Variants in IRAK2 observed in about 807,000 individuals in gnomAD.
The protein encoded by IRAK2 is interleukin-1 receptor-associated kinase-like 2.
IRAK2 carries 57 observed loss-of-function variants against 72.0 expected under a neutral mutation model. The ratio of observed to expected loss-of-function variants is 0.79; its 90% confidence interval spans 0.64 to 0.99. IRAK2 has a LOEUF of 0.99. IRAK2 is among the 50% of genes least tolerant of loss of function. The probability of loss-of-function intolerance (pLI) is 0.00; values close to 1 mark genes in which losing one functional copy is unlikely to be tolerated. For synonymous variants in IRAK2, 293 were observed against 312.7 expected, an observed-to-expected ratio of 0.94 and a Z score of 0.67; for missense variants, 790 against 794.4, an observed-to-expected ratio of 0.99 and a Z score of 0.07.
At chr3:10,171,717 G>T (rs934925782) in intron 1 of IRAK2, among the ~76,000 whole-genome samples, 2 of 147,846 alleles carry the variant, frequency 1.4e-5, no homozygotes, top group Admixed American at 1.4e-4. Flanking sequence ...TGATCCGCCC[G>T]CCTCAGCCTC....
intron 8 of IRAK2, among the ~76,000 whole-genome samples, chr3:10,221,100 G>GTTT (rs1000156346): frequency 6.8e-6 from 1 of 146,782 alleles, no homozygotes; most frequent in Non-Finnish European, 1.5e-5. Flanking sequence ...CGCTAAAAAA[G>GTTT]TTTTTTTTTT....
intron 10 of IRAK2, among the ~76,000 whole-genome samples, chr3:10,227,512 A>G (rs1697798553): frequency 6.6e-6 from 1 of 151,986 alleles, no homozygotes; most frequent in South Asian, 2.1e-4. Flanking sequence ...TACATTATCT[A>G]CCTAAATCAT....
intron 2 of IRAK2, among the ~76,000 whole-genome samples, chr3:10,195,817 C>A (rs1393212172): frequency 6.6e-6 from 1 of 152,140 alleles, no homozygotes; most frequent in Non-Finnish European, 1.5e-5. Flanking sequence ...CCAGGGGAGC[C>A]ACTGCTGCCC....
At chr3:10,210,206 C>T (rs1468562111) in intron 4 of IRAK2, among the ~76,000 whole-genome samples, 1 of 152,190 alleles carries the variant, frequency 6.6e-6, no homozygotes, top group African/African-American at 2.4e-5. Context: ...CAGGCATGAG[C>T]CACTGCACCC....
chr3:10,196,485 T>C (rs1697267743), intron 2 of IRAK2, among the ~76,000 whole-genome samples: 1 of 152,238 alleles, frequency 6.6e-6, no homozygotes, highest in Non-Finnish European at 1.5e-5. Flanking sequence ...AGTGATCCTG[T>C]GATTCCTGCA....
intron 2 of IRAK2, among the ~76,000 whole-genome samples, chr3:10,178,949 A>G (rs1163405996): frequency 6.6e-6 from 1 of 152,086 alleles, no homozygotes; most frequent in Non-Finnish European, 1.5e-5. Context: ...CTATAGGCAC[A>G]TGCCACCATG....
intron 11 of IRAK2, among the ~76,000 whole-genome samples, chr3:10,237,748 A>C (rs1325190851): frequency 1.3e-5 from 2 of 149,784 alleles, no homozygotes; most frequent in African/African-American, 5.0e-5. Flanking sequence ...CAGAGCTTGC[A>C]GTGAACCGAG....
At chr3:10,237,561 A>G (rs1202530801) in intron 11 of IRAK2, among the ~76,000 whole-genome samples, 6 of 152,214 alleles carry the variant, frequency 3.9e-5, no homozygotes, top group African/African-American at 1.4e-4. Flanking sequence ...TAATCTCAGC[A>G]CTTTGGGAGG....
intron 2 of IRAK2, among the ~76,000 whole-genome samples, chr3:10,179,567 G>T (rs1696930381): frequency 6.6e-6 from 1 of 152,002 alleles, no homozygotes; most frequent in Non-Finnish European, 1.5e-5. Context: ...CTGAGTAGCT[G>T]GGACCACAGA....
Position 10,213,551 on chromosome 3 carries a change from A to G in IRAK2, c.788+3A>G. On this transcript the variant is annotated splice_donor_region_variant and intron_variant, in intron 6 of 12. Coordinates refer to ENST00000256458, the MANE Select transcript of IRAK2 (RefSeq NM_001570.4). ...GCAGAGTTGCAGATTTGTCTTAGGTAAGCCTCCCCTTTGTTTAGTAATAAT... is the reference window on the plus strand; with the variant it reads ...GCAGAGTTGCAGATTTGTCTTAGGTGAGCCTCCCCTTTGTTTAGTAATAAT... 6.2e-7 allele frequency: 1 copy of G among 1,612,004 alleles called. No homozygotes were observed. Among genetic ancestry groups the G allele is most frequent in the Non-Finnish European group, 8.5e-7 (1 of 1,178,042 alleles).
chr3:10,207,756 G>A (rs1351479996), intron 3 of IRAK2, among the ~76,000 whole-genome samples: 1 of 152,170 alleles, frequency 6.6e-6, no homozygotes. Flanking sequence ...ACTTTGGGAG[G>A]CCGAGGCAAG....
intron 12 of IRAK2, among the ~76,000 whole-genome samples, chr3:10,241,176 G>A (rs1052846918): frequency 6.6e-6 from 1 of 151,570 alleles, no homozygotes; most frequent in African/African-American, 2.4e-5. Flanking sequence ...TCGGGAGGAC[G>A]AGGTGGGCTG....
chr3:10,173,550 G>C (rs1283446929), intron 1 of IRAK2, among the ~76,000 whole-genome samples: 1 of 152,130 alleles, frequency 6.6e-6, no homozygotes, highest in East Asian at 1.9e-4. Context: ...GACTGGGTAC[G>C]GTGGCTGATG....
chr3:10,221,023 G>T (rs1327843280), intron 8 of IRAK2, among the ~76,000 whole-genome samples: 2 of 151,634 alleles, frequency 1.3e-5, no homozygotes, highest in African/African-American at 4.9e-5. Context: ...GAAGGAATTT[G>T]CCCATAATTT....
At position 10,212,028 on chromosome 3, in the gene IRAK2, C is replaced by T. The variant is rs190571287; in HGVS notation, c.529-1179C>T. Among the ~76,000 whole-genome samples, 1,004 of 146,962 alleles carry T rather than the reference C, an allele frequency of 6.8e-3. 13 individuals are homozygous for T. The highest frequency in any genetic ancestry group is 0.023 in the African/African-American group (933 of 39,704). On this transcript the variant is annotated intron_variant, in intron 4 of 12. Coordinates refer to ENST00000256458, the MANE Select transcript of IRAK2 (RefSeq NM_001570.4). ...CTGGGAGGCGGAGCTTGCAGTGAGC[C>T]GAGATCACACCACTGCACTCCAGCC...
At chr3:10,229,025 C>T (rs946288296) in intron 10 of IRAK2, among the ~76,000 whole-genome samples, 3 of 151,906 alleles carry the variant, frequency 2.0e-5, no homozygotes, top group Non-Finnish European at 2.9e-5. Flanking sequence ...CCTCCACCCC[C>T]CGGGTTCAAG....
chr3:10,234,356 T>G, intron 10 of IRAK2, 103 bp from the exon 11 acceptor site: 3 of 916,126 alleles, frequency 3.3e-6, no homozygotes, highest in Non-Finnish European at 1.8e-6. Context: ...GTCCGGTCGG[T>G]TTTCTGAGCA....
At chr3:10,188,094 G>A (rs1697107346) in intron 2 of IRAK2, among the ~76,000 whole-genome samples, 1 of 152,158 alleles carries the variant, frequency 6.6e-6, no homozygotes, top group Non-Finnish European at 1.5e-5. Flanking sequence ...TATCCCAGCT[G>A]TGGCTCCCAG....
chr3:10,189,234 G>A (rs564433248), intron 2 of IRAK2, among the ~76,000 whole-genome samples: 8 of 152,284 alleles, frequency 5.3e-5, no homozygotes, highest in South Asian at 2.1e-4. Context: ...AGCCTCCTCC[G>A]TAAGGAATAG....
Sources: allele counts gnomAD v4.1 joint callset (sites outside exome capture counted in the v4.1 genomes callset), GRCh38; gene constraint gnomAD v4.1.1; transcripts MANE v1.5; gene names NCBI Gene and HGNC (gene_info 2026-07-23, HGNC 2026-07-21).